Variants in ASCC1 observed in about 807,000 individuals in gnomAD.
ASCC1 encodes activating signal cointegrator 1 complex subunit 1.
In ASCC1, 35 loss-of-function variants were observed where a neutral mutation model predicts 46.6. The ratio of observed to expected loss-of-function variants is 0.75; its 90% CI spans 0.57 to 0.99. The LOEUF (loss-of-function observed/expected upper bound fraction) is 0.99, where lower values mean the gene tolerates loss of function less well. ASCC1 is among the 50% of genes least tolerant of loss of function. The probability of loss-of-function intolerance (pLI) is 0.00; values close to 1 mark genes in which losing one functional copy is unlikely to be tolerated. For synonymous variants in ASCC1, 143 were observed against 146.6 expected, an observed-to-expected ratio of 0.98 and a Z score of 0.18; for missense variants, 376 against 428.7, an observed-to-expected ratio of 0.88 and a Z score of 1.09.
intron 9 of ASCC1, among the ~76,000 whole-genome samples, chr10:72,116,433 TC>T (rs1357714311): frequency 6.6e-6 from 1 of 152,226 alleles, no homozygotes; most frequent in Non-Finnish European, 1.5e-5. Context: ...TTAACAGAGT[TC>T]CTGTTTAAAA....
At chr10:72,194,104 T>G (rs1854991834) in intron 5 of ASCC1, among the ~76,000 whole-genome samples, 1 of 151,848 alleles carries the variant, frequency 6.6e-6, no homozygotes, top group Admixed American at 6.6e-5. Context: ...CAGGATGGTC[T>G]TCATCTCCTG....
chr10:72,197,906 A>AAAATAAAT (rs201913206), intron 4 of ASCC1, among the ~76,000 whole-genome samples: 26 of 140,012 alleles, frequency 1.9e-4, no homozygotes, highest in African/African-American at 5.8e-4. Context: ...ACCCTGTCTC[A>AAAATAAAT]AAATAAATAA....
At position 72,097,363 on chromosome 10, in the gene ASCC1, C is replaced by A. The variant is rs369467167; in HGVS notation, c.1045G>T (p.Ala349Ser). 1.6e-5 allele frequency: 26 copies of A among 1,613,164 alleles called. No homozygotes were observed. Among genetic ancestry groups the A allele is most frequent in the Non-Finnish European group, 2.2e-5 (26 of 1,179,324 alleles). ...RFTVDSFGNYASCGQIDFS is the reference protein window; with the variant it reads ...RFTVDSFGNYSSCGQIDFS ...GAGAAGTCAATTTGTCCACAGGAAG[C>A]GTAGTTTCCAAAGCTGTCTACGGTG... The change falls in exon 10 of 10, where the codon GCT becomes TCT. Residue 349 changes from alanine to serine, a missense_variant. Physicochemically the swap from Ala to Ser is moderately conservative, Grantham distance 99. Transcript: ENST00000672957.
intron 3 of ASCC1, among the ~76,000 whole-genome samples, chr10:72,209,959 T>C (rs1050533828): frequency 2.0e-5 from 3 of 152,036 alleles, no homozygotes; most frequent in Non-Finnish European, 4.4e-5. Context: ...TCCTTGGCGA[T>C]GAGTGAGCTC....
intron 6 of ASCC1, among the ~76,000 whole-genome samples, chr10:72,154,810 T>G (rs1353137254): frequency 6.6e-6 from 1 of 152,168 alleles, no homozygotes; most frequent in Non-Finnish European, 1.5e-5. Context: ...GGGTTTTAAA[T>G]GAGGCATAAA....
At chr10:72,171,774 CTT>C (rs905049565) in intron 5 of ASCC1, among the ~76,000 whole-genome samples, 28 of 152,162 alleles carry the variant, frequency 1.8e-4, no homozygotes, top group African/African-American at 6.5e-4. Context: ...CTCAAAGTCT[CTT>C]TTGCCATAAA....
At chr10:72,102,721 T>C (rs1589155174) in intron 9 of ASCC1, 1 of 359,244 alleles carries the variant, frequency 2.8e-6, no homozygotes, top group Admixed American at 3.8e-5. Context: ...ACACCTGTAA[T>C]CCCAACACTT....
Position 72,096,727 on chromosome 10 carries a change from A to G in ASCC1, c.*607T>C, listed in dbSNP as rs1043862846. 4.4e-6 allele frequency: 2 copies of G among 454,058 alleles called. No individual in the cohort carries two copies. Among genetic ancestry groups the G allele is most frequent in the African/African-American group, 4.0e-5 (2 of 50,020 alleles). 28.1% of individuals were successfully genotyped at this position (454,058 alleles called of 1,614,324 possible). A position where few individuals can be genotyped will look rare whatever the true frequency, so the allele number is the denominator to read the frequency against. On this transcript the variant is annotated 3_prime_UTR_variant, in exon 10 of 10. Coordinates refer to ENST00000672957, the MANE Select transcript of ASCC1 (RefSeq NM_001198800.3). ...TGTAACGGAACATTCCATTATATGT[A>G]TAATACAGGAAGGAAATCCTGTCAC...
chr10:72,185,197 C>T (rs1853273248), intron 5 of ASCC1, among the ~76,000 whole-genome samples: 1 of 152,170 alleles, frequency 6.6e-6, no homozygotes, highest in South Asian at 2.1e-4. Context: ...AGGGCACAAC[C>T]ACCTTGGGAA....
intron 5 of ASCC1, among the ~76,000 whole-genome samples, chr10:72,171,542 T>C (rs1851083978): frequency 6.6e-6 from 1 of 152,038 alleles, no homozygotes; most frequent in African/African-American, 2.4e-5. Flanking sequence ...TTCTCCTACC[T>C]CAGCCTCCTG....
intron 9 of ASCC1, among the ~76,000 whole-genome samples, chr10:72,123,499 C>T (rs148864329): frequency 7.8e-4 from 119 of 152,028 alleles, no homozygotes; most frequent in African/African-American, 2.7e-3. Context: ...GTATCAGATG[C>T]CAATAGTGGG....
At chr10:72,139,925 TA>T (rs1271117139) in intron 7 of ASCC1, among the ~76,000 whole-genome samples, 2 of 152,230 alleles carry the variant, frequency 1.3e-5, no homozygotes, top group African/African-American at 4.8e-5. Flanking sequence ...TTATTATTTT[TA>T]TGAGACTATA....
intron 5 of ASCC1, among the ~76,000 whole-genome samples, chr10:72,172,824 T>C (rs1231198648): frequency 1.5e-5 from 2 of 133,594 alleles, no homozygotes; most frequent in East Asian, 4.0e-4. Flanking sequence ...ATATAATATA[T>C]ATTTTATATT....
chr10:72,144,609 T>C (rs1328960164), intron 7 of ASCC1, among the ~76,000 whole-genome samples: 1 of 152,190 alleles, frequency 6.6e-6, no homozygotes, highest in Non-Finnish European at 1.5e-5. Context: ...CTCTACTTGT[T>C]TGGAATTTAC....
At chr10:72,114,410 G>A (rs539746997) in intron 9 of ASCC1, among the ~76,000 whole-genome samples, 1 of 152,278 alleles carries the variant, frequency 6.6e-6, no homozygotes, top group South Asian at 2.1e-4. Flanking sequence ...CGGATCACGA[G>A]GTCAGGAGAT....
At chr10:72,124,103 T>C (rs1267023783) in intron 9 of ASCC1, among the ~76,000 whole-genome samples, 1 of 152,204 alleles carries the variant, frequency 6.6e-6, no homozygotes, top group Non-Finnish European at 1.5e-5. Flanking sequence ...AATGAAATAC[T>C]TGGGTGGCTC....
Position 72,152,871 on chromosome 10 carries a change from G to T in ASCC1, c.744C>A (p.Asn248Lys). 6.2e-7 allele frequency: 1 copy of T among 1,614,102 alleles called. No homozygotes were observed. ...YAKVHMKDGSNRLQELVDRVL... is the reference protein window; with the variant it reads ...YAKVHMKDGSKRLQELVDRVL... ...AAAGAAGCATTCCAGAAATATACCTGTTGGAGCCATCTTTCATATGGACTT... is the reference window on the plus strand; with the variant it reads ...AAAGAAGCATTCCAGAAATATACCTTTTGGAGCCATCTTTCATATGGACTT... The change falls in exon 7 of 10, where the codon AAC becomes AAA. Residue 248 changes from asparagine (N) to lysine (K), a missense_variant and splice_region_variant. Physicochemically the swap from Asn to Lys is moderately conservative, Grantham distance 94 (BLOSUM62 0). Transcript: ENST00000672957.
chr10:72,114,213 T>C (rs1295228889), intron 9 of ASCC1, among the ~76,000 whole-genome samples: 1 of 152,176 alleles, frequency 6.6e-6, no homozygotes, highest in Non-Finnish European at 1.5e-5. Context: ...TTGCTATGTG[T>C]AGTAATAAAG....
chr10:72,149,573 G>A (rs1210422285), intron 7 of ASCC1, among the ~76,000 whole-genome samples: 1 of 151,632 alleles, frequency 6.6e-6, no homozygotes, highest in African/African-American at 2.4e-5. Context: ...AACTCTTTGA[G>A]GTTCTCAATA....
Sources: gnomAD v4.1 joint callset for allele counts (sites outside exome capture counted in the v4.1 genomes callset) on GRCh38, gnomAD v4.1.1 for gene constraint, MANE v1.5 for transcripts, NCBI Gene and HGNC (gene_info 2026-07-23, HGNC 2026-07-21) for gene names.